MGAM: variants seen among roughly 807,000 people sequenced by gnomAD.
The protein encoded by MGAM is maltase-glucoamylase.
A neutral mutation model predicts 358.8 loss-of-function variants in MGAM; 253 were observed. The ratio of observed to expected loss-of-function variants is 0.71; its 90% confidence interval spans 0.64 to 0.78. MGAM has a LOEUF of 0.78. Ranked by LOEUF, MGAM falls within the 30% of genes least tolerant of loss-of-function variation. MGAM has a pLI of 0.00. For synonymous variants in MGAM, 1,105 were observed against 1,227.1 expected (o/e 0.90, Z 2.08); for missense variants, 3,080 against 3,432.6 (o/e 0.90, Z 2.57).
chr7:142,040,794 C>T lies in MGAM; in HGVS notation c.2446C>T (p.Arg816Ter), dbSNP rs368880817. ...LPGDKIGLHL[R>*]GGYIFPTQQP... The stretch of plus-strand genomic sequence containing the variant: ...TGGAGACAAAATTGGACTTCACCTT[C>T]GAGGAGGCTACATCTTCCCCACACA... Residue 816 changes from arginine (R) to a stop codon, truncating the protein, a stop_gained, in exon 21 of 71, where the codon CGA becomes TGA. Coordinates refer to ENST00000475668, the MANE Select transcript of MGAM (RefSeq NM_001365693.1). LOFTEE classifies it high-confidence loss of function. 2.8e-5 allele frequency: 45 copies of T among 1,613,048 alleles called. No homozygotes were observed. The highest frequency in any genetic ancestry group is 2.4e-4 in the African/African-American group (18 of 74,842).
Position 142,001,939 on chromosome 7 carries a change from A to G in MGAM, c.-2-3590A>G, listed in dbSNP as rs1288913423. 1.3e-5 allele frequency among the ~76,000 whole-genome samples: 2 copies of G among 152,228 alleles called. 1 individual carries two copies. The highest frequency in any genetic ancestry group is 4.8e-5 in the African/African-American group (2 of 41,468). On this transcript the variant is annotated intron_variant, in intron 1 of 70. Transcript: ENST00000475668. ...TAAGAAGGTGGCAATAGATAATAAT[A>G]ACAAAAGAAATTGTAGTTTCATTTT...
At chr7:142,086,884 C>T (rs1814805338) in intron 57 of MGAM, among the ~76,000 whole-genome samples, 167 bp downstream of exon 57, 1 of 99,230 alleles carries the variant, frequency 1.0e-5, no homozygotes, top group Admixed American at 8.8e-5. Flanking sequence ...TATAGGTAGT[C>T]ATACTTTACT....
chr7:142,099,203 C>T (rs1816228174), intron 66 of MGAM, among the ~76,000 whole-genome samples: 1 of 152,142 alleles, frequency 6.6e-6, no homozygotes, highest in Admixed American at 6.5e-5. Context: ...GAGGATTCTG[C>T]TAAATATCAA....
At chr7:142,048,001 T>C (rs1810548433) in intron 22 of MGAM, 128 bp downstream of exon 22, 1 of 754,824 alleles carries the variant, frequency 1.3e-6, no homozygotes, top group East Asian at 2.7e-5. Context: ...CACTTAAGTA[T>C]TTTGTTTCTG....
In MGAM at chr7:142,055,558, T is replaced by G; in HGVS notation, c.3315T>G (p.Ile1105Met). The G allele has an allele frequency of 6.2e-7, 1 of 1,613,700 alleles. No homozygotes were observed. The highest frequency in any genetic ancestry group is 8.5e-7 in the Non-Finnish European group (1 of 1,179,790). The change falls in exon 28 of 71, where the codon ATT (isoleucine) becomes ATG (methionine). Residue 1105 changes from isoleucine to methionine, a missense_variant and splice_region_variant. Transcript: ENST00000475668. ...TCAAATCTGCGTTTTTGTGTTTCAG[T>G]TGGGACTCTCAGCTCCTTGGCTTTA... ...EIRRKSTGTI[I>M]WDSQLLGFTF...
Position 142,094,368 on chromosome 7 carries a change from G to T in MGAM, c.7177G>T (p.Val2393Leu), listed in dbSNP as rs377434592. The T allele has an allele frequency of 6.6e-7, 1 of 1,522,318 alleles. No individual in the cohort carries two copies. Among genetic ancestry groups the T allele is most frequent in the Admixed American group, 1.8e-5 (1 of 54,142 alleles). 94.3% of individuals were successfully genotyped at this position (1,522,318 alleles called of 1,614,324 possible). A position where few individuals can be genotyped will look rare whatever the true frequency, so the allele number is the denominator to read the frequency against. ...CTCCTTTTCCCCTCCAACCAGAGCC[G>T]TGCAGGAGGTGACAGGACAGCGAGG... Reference protein sequence around the residue: ...WSQTRPTYEAVQEVTGQRGVV... With the variant: ...WSQTRPTYEALQEVTGQRGVV... Residue 2393 changes from valine (V) to leucine (L), a missense_variant, in exon 61 of 71, where the codon GTG (valine) becomes TTG (leucine). By Grantham distance (32) the Val-to-Leu change is conservative. This residue lies in a region of MGAM where 932 missense variants were observed against 1,198.2 expected (regional missense o/e 0.78). Coordinates refer to ENST00000475668, the MANE Select transcript of MGAM (RefSeq NM_001365693.1).
Position 142,021,056 on chromosome 7 carries a change from T to C in MGAM, c.531T>C (p.Tyr177=). The change falls in exon 5 of 71, where the codon TAT becomes TAC. Residue 177 remains tyrosine, a synonymous_variant. Transcript: ENST00000475668. ...NVDNVLLTAE[Y]QTSNRFHFKL... is the part of the protein sequence containing the mutation. ...ACAATGTTCTTCTCACAGCAGAATA[T>C]CAGACATCTAATCGTTTCCACTTTA... The C allele has an allele frequency of 2.5e-6, 4 of 1,611,710 alleles. No homozygotes were observed. Among genetic ancestry groups the C allele is most frequent in the Non-Finnish European group, 3.4e-6 (4 of 1,178,766 alleles).
At chr7:141,989,867 C>G (rs919639631) in intron 2 of MGAM, among the ~76,000 whole-genome samples, 1 of 152,122 alleles carries the variant, frequency 6.6e-6, no homozygotes. Flanking sequence ...TTAGGGACAC[C>G]TAATCCACCC....
At chr7:142,038,410 T>C (rs566355667) in intron 18 of MGAM, 121 bp from the exon 19 acceptor site, 4 of 695,786 alleles carry the variant, frequency 5.7e-6, no homozygotes, top group South Asian at 5.4e-5. Context: ...CACAGAATAA[T>C]TTGGGGGGTT....
intron 41 of MGAM, among the ~76,000 whole-genome samples, chr7:142,067,054 T>G (rs1398850750): frequency 1.4e-5 from 2 of 146,082 alleles, no homozygotes; most frequent in East Asian, 2.0e-4. Flanking sequence ...GCAAGAGAAT[T>G]GAGGGACGAG....
At chr7:142,030,223 A>G in intron 10 of MGAM, 139 bp from the exon 11 acceptor site, 1 of 913,612 alleles carries the variant, frequency 1.1e-6, no homozygotes, top group South Asian at 1.8e-5. Flanking sequence ...AGAAGTACTC[A>G]GATGCCAGGA....
chr7:142,103,502 T>C lies in MGAM; in HGVS notation c.8184+63T>C, dbSNP rs73739162. The stretch of plus-strand genomic sequence containing the variant: ...CCCTTAATATGCCTAGTGCAGTGCC[T>C]GACTGCTTCCCTTCCAAATGATGCC... On this transcript the variant is annotated intron_variant, in intron 70 of 70. Transcript: ENST00000475668. The C allele has an allele frequency of 0.011, 15,308 of 1,384,372 alleles. 1,230 individuals are homozygous for C. The African/African-American group carries it at 0.18, about 16-fold the overall frequency. The allele number at this position is 1,384,372 out of a possible 1,614,324, so 85.8% of individuals were successfully genotyped here. A position where few individuals can be genotyped will look rare whatever the true frequency, so the allele number is the denominator to read the frequency against.
Position 142,042,057 on chromosome 7 carries a change from A to ATG in MGAM, c.2498+1212_2498+1213insGT, listed in dbSNP as rs1403173268. Among the ~76,000 whole-genome samples the ATG allele has an allele frequency of 2.7e-5, 2 of 74,764 alleles. 1 individual carries two copies. The highest frequency in any genetic ancestry group is 4.7e-5 in the Non-Finnish European group (2 of 42,970). 49.0% of individuals were successfully genotyped at this position (74,764 alleles called of 152,430 possible). On this transcript the variant is annotated intron_variant, in intron 21 of 70. Transcript: ENST00000475668. Reference sequence around the variant, plus strand: ...TATATACATATAATATATAATATATATACATATAATATATAACATACAATA... The same window carrying ATG: ...TATATACATATAATATATAATATATATGTACATATAATATATAACATACAATA...
chr7:142,102,805 A>G (rs571386233), intron 69 of MGAM, 126 bp downstream of exon 69: 1 of 915,760 alleles, frequency 1.1e-6, no homozygotes, highest in South Asian at 1.6e-5. Flanking sequence ...ACATTCTTCT[A>G]CTTCTCTAGA....
intron 40 of MGAM, 112 bp downstream of exon 40, chr7:142,065,943 G>GTTTTTT (rs1288283027): frequency 4.6e-6 from 3 of 645,840 alleles, no homozygotes; most frequent in Non-Finnish European, 7.0e-6. Context: ...AAAAAAAGGT[G>GTTTTTT]TTTTTTTTTG....
rs1257847311 is a variant in MGAM, at chr7:142,078,983, A to G, written c.5822A>G (p.His1941Arg). The G allele has an allele frequency of 1.3e-5, 20 of 1,554,978 alleles. 2 individuals carry two copies. Among genetic ancestry groups the G allele is most frequent in the Non-Finnish European group, 1.7e-5 (19 of 1,131,720 alleles). The change falls in exon 49 of 71, where the codon CAT (histidine) becomes CGT (arginine). Residue 1941 changes from histidine to arginine, a missense_variant. Physicochemically the swap from His to Arg is conservative, Grantham distance 29 (BLOSUM62 0). This residue lies in a region of MGAM where 932 missense variants were observed against 1,198.2 expected (regional missense o/e 0.78). Coordinates refer to ENST00000475668, the MANE Select transcript of MGAM (RefSeq NM_001365693.1). Reference sequence around the variant, plus strand: ...CCCCTTCGCCTGGATGTCACTTACCATAAGAATGAAATGCTACAGTTCAAG... The same window carrying G: ...CCCCTTCGCCTGGATGTCACTTACCGTAAGAATGAAATGCTACAGTTCAAG... ...VNPLRLDVTYHKNEMLQFKIY... is the reference protein window; with the variant it reads ...VNPLRLDVTYRKNEMLQFKIY...
chr7:142,017,339 C>A (rs1368730367), intron 3 of MGAM, among the ~76,000 whole-genome samples: 1 of 152,140 alleles, frequency 6.6e-6, no homozygotes, highest in Non-Finnish European at 1.5e-5. Flanking sequence ...TTCATGCCAT[C>A]ATTTTCTGTA....
At chr7:142,062,920 C>G (rs1812359155) in intron 35 of MGAM, among the ~76,000 whole-genome samples, 1 of 152,138 alleles carries the variant, frequency 6.6e-6, no homozygotes, top group Non-Finnish European at 1.5e-5. Flanking sequence ...GAGGCGGGAC[C>G]AGGCGTGGTG....
chr7:142,048,520 T>TTTTTTTTTTTTTTTTTTTTTTTTTTGAG (rs1563163870), intron 22 of MGAM, among the ~76,000 whole-genome samples: 3 of 151,498 alleles, frequency 2.0e-5, no homozygotes, highest in African/African-American at 4.8e-5. Context: ...AACCCAATGT[T>TTTTTTTTTTTTTTTTTTTTTTTTTTGAG]AATGTCTTCC....
Sources: gnomAD v4.1 joint callset for allele counts (sites outside exome capture counted in the v4.1 genomes callset) on GRCh38, gnomAD v4.1.1 for gene constraint, gnomAD v4.1.1 regional missense constraint, MANE v1.5 for transcripts, NCBI Gene and HGNC (gene_info 2026-07-23, HGNC 2026-07-21) for gene names.